The following MYZAP variants were observed in gnomAD, a reference collection of about 807,000 sequenced individuals.
MYZAP encodes myocardial zonula adherens protein.
In MYZAP, 66 loss-of-function variants were observed where a neutral mutation model predicts 69.4. The ratio of observed to expected loss-of-function variants is 0.95; its 90% CI spans 0.78 to 1.17. MYZAP has a LOEUF of 1.17. Among genes scored for constraint, MYZAP ranks in the 50% most tolerant of loss-of-function variants. MYZAP has a pLI of 0.00. For missense variants in MYZAP, 611 were observed against 556.2 expected, an observed-to-expected ratio of 1.10 and a Z score of -0.99; for synonymous variants, 256 against 205.9, an observed-to-expected ratio of 1.24 and a Z score of -2.09.
intron 4 of MYZAP, among the ~76,000 whole-genome samples, chr15:57,623,864 G>A (rs555409144): frequency 6.6e-6 from 1 of 150,478 alleles, no homozygotes; most frequent in South Asian, 2.1e-4. Context: ...AGATGTAGAC[G>A]GTGAAAAAAA....
chr15:57,663,406 A>G (rs1255495816), intron 11 of MYZAP, among the ~76,000 whole-genome samples: 1 of 152,162 alleles, frequency 6.6e-6, no homozygotes, highest in East Asian at 1.9e-4. Flanking sequence ...TTTATCTGGG[A>G]GGCGATCTCA....
rs946598552 is a variant in MYZAP, at chr15:57,629,565, G to C, written c.526-137G>C. 13 of 1,214,538 alleles carry C rather than the reference G, an allele frequency of 1.1e-5. No homozygotes were observed. In the African/African-American group the frequency reaches 2.0e-4, roughly 19 times the overall value. The allele number at this position is 1,214,538 out of a possible 1,614,324, so 75.2% of individuals were successfully genotyped here. A position where few individuals can be genotyped will look rare whatever the true frequency, so the allele number is the denominator to read the frequency against. The stretch of plus-strand genomic sequence containing the variant: ...AGACCCACAGTCCCTCACAGCACAG[G>C]GTCCCAGACTGGCAGTTGCTGTAGC... On this transcript the variant is annotated intron_variant, in intron 5 of 12. Coordinates refer to ENST00000267853, the MANE Select transcript of MYZAP (RefSeq NM_001018100.5).
intron 11 of MYZAP, among the ~76,000 whole-genome samples, chr15:57,665,753 A>G (rs574003160): frequency 6.6e-6 from 1 of 152,232 alleles, no homozygotes; most frequent in African/African-American, 2.4e-5. Context: ...GCTTGCAATT[A>G]GCTATGGAGG....
At chr15:57,672,840 C>T (rs189720438) in intron 11 of MYZAP, among the ~76,000 whole-genome samples, 82 of 152,282 alleles carry the variant, frequency 5.4e-4, no homozygotes, top group African/African-American at 1.9e-3. Context: ...GAAACTCCAC[C>T]GCTGTCCCCA....
At chr15:57,606,312 T>C (rs189588873) in intron 2 of MYZAP, among the ~76,000 whole-genome samples, 135 of 152,332 alleles carry the variant, frequency 8.9e-4, no homozygotes, top group African/African-American at 3.1e-3. Flanking sequence ...TATGTAATAT[T>C]CATGCCAAAC....
chr15:57,665,298 A>C (rs1226683811), intron 11 of MYZAP, among the ~76,000 whole-genome samples: 1 of 152,246 alleles, frequency 6.6e-6, no homozygotes, highest in Non-Finnish European at 1.5e-5. Flanking sequence ...ATAGGCTGGC[A>C]ATATTTCAGC....
chr15:57,599,373 C>A, intron 1 of MYZAP: 4 of 777,728 alleles, frequency 5.1e-6, no homozygotes, highest in African/African-American at 2.0e-5. Context: ...TTTTTGCCAT[C>A]GTCGTACCCT....
chr15:57,594,327 C>T (rs1210314088), intron 1 of MYZAP, among the ~76,000 whole-genome samples: 6 of 152,112 alleles, frequency 3.9e-5, no homozygotes, highest in Non-Finnish European at 7.4e-5. Flanking sequence ...TCTTGGCCAG[C>T]CTGGTCTTGA....
intron 2 of MYZAP, among the ~76,000 whole-genome samples, chr15:57,610,269 A>G (rs866188093): frequency 2.0e-5 from 3 of 152,204 alleles, no homozygotes; most frequent in South Asian, 2.1e-4. Context: ...TCATAACCCA[A>G]TAAAATGTTG....
At position 57,618,325 on chromosome 15, in the gene MYZAP, T is replaced by A. The variant is rs559985194; in HGVS notation, c.318+137T>A. The A allele has an allele frequency of 4.4e-6, 6 of 1,352,738 alleles. No individual in the cohort carries two copies. The South Asian group carries it at 9.4e-5, about 21-fold the overall frequency. The allele number at this position is 1,352,738 out of a possible 1,614,324, so 83.8% of individuals were successfully genotyped here. ...AGTGTTATCATTTTGGCTGGAAATG[T>A]TTCTGTGTATCTTCATGGTAATGTT... On this transcript the variant is annotated intron_variant, in intron 3 of 12. Coordinates refer to ENST00000267853, the MANE Select transcript of MYZAP (RefSeq NM_001018100.5).
intron 10 of MYZAP, among the ~76,000 whole-genome samples, chr15:57,653,190 C>G (rs1326987746): frequency 6.6e-6 from 1 of 151,898 alleles, no homozygotes; most frequent in Non-Finnish European, 1.5e-5. Flanking sequence ...CCCCGACACT[C>G]TGATTTTGAA....
intron 10 of MYZAP, among the ~76,000 whole-genome samples, chr15:57,648,733 G>A (rs140082465): frequency 1.3e-4 from 20 of 149,796 alleles, no homozygotes; most frequent in Admixed American, 8.0e-4. Context: ...AAAAATCCAC[G>A]AATGCTCTTC....
At chr15:57,617,407 A>C (rs1343603953) in intron 2 of MYZAP, among the ~76,000 whole-genome samples, 4 of 152,170 alleles carry the variant, frequency 2.6e-5, no homozygotes, top group Non-Finnish European at 5.9e-5. Flanking sequence ...GCATTTCAAC[A>C]ATGACCAAAA....
At chr15:57,638,758 C>T (rs1205073224) in intron 9 of MYZAP, among the ~76,000 whole-genome samples, 4 of 152,146 alleles carry the variant, frequency 2.6e-5, no homozygotes, top group Non-Finnish European at 5.9e-5. Context: ...CCCACATTTG[C>T]CAAAAATAAA....
At chr15:57,621,116 T>C (rs1364392377) in intron 3 of MYZAP, among the ~76,000 whole-genome samples, 4 of 148,432 alleles carry the variant, frequency 2.7e-5, no homozygotes, top group Non-Finnish European at 4.5e-5. Flanking sequence ...TCCTAACTAG[T>C]TTCTAACTAG....
At chr15:57,614,385 C>T (rs1206420734) in intron 2 of MYZAP, among the ~76,000 whole-genome samples, 2 of 152,240 alleles carry the variant, frequency 1.3e-5, no homozygotes, top group Non-Finnish European at 2.9e-5. Context: ...CATACACCAA[C>T]AGTCGCTGGG....
At chr15:57,614,606 G>A (rs1595867571) in intron 2 of MYZAP, among the ~76,000 whole-genome samples, 1 of 152,360 alleles carries the variant, frequency 6.6e-6, no homozygotes, top group East Asian at 1.9e-4. Flanking sequence ...TGAGGCAGGT[G>A]TGGGGTTGGG....
At chr15:57,599,689 G>T (rs189403851) in intron 1 of MYZAP, 1 of 1,288,748 alleles carries the variant, frequency 7.8e-7, no homozygotes, top group South Asian at 1.2e-5. Flanking sequence ...GATCAGCCTC[G>T]TAAAATGCTC....
At chr15:57,643,201 G>A (rs994444150) in intron 10 of MYZAP, among the ~76,000 whole-genome samples, 1 of 152,104 alleles carries the variant, frequency 6.6e-6, no homozygotes, top group Admixed American at 6.6e-5. Flanking sequence ...GCCCTCAAGG[G>A]GAAATTAATT....
Sources: gnomAD v4.1 joint callset for allele counts (sites outside exome capture counted in the v4.1 genomes callset) on GRCh38, gnomAD v4.1.1 for gene constraint, MANE v1.5 for transcripts, NCBI Gene and HGNC (gene_info 2026-07-23, HGNC 2026-07-21) for gene names.